The following MCC variants were observed in gnomAD, a reference collection of about 807,000 sequenced individuals.
The protein encoded by MCC is colorectal mutant cancer protein.
A neutral mutation model predicts 116.2 loss-of-function variants in MCC; 90 were observed. The ratio of observed to expected loss-of-function variants is 0.77; its 90% CI spans 0.65 to 0.92. The LOEUF (loss-of-function observed/expected upper bound fraction) is 0.92, where lower values mean the gene tolerates loss of function less well. Among genes scored for constraint, MCC ranks in the 40% least tolerant of loss-of-function variants. The pLI, the probability that MCC is intolerant of heterozygous loss-of-function variation, is 0.00. For synonymous variants in MCC, 578 were observed against 510.5 expected, an observed-to-expected ratio of 1.13 and a Z score of -1.78; for missense variants, 1,516 against 1,312.2, an observed-to-expected ratio of 1.16 and a Z score of -2.40.
chr5:113,296,983 G>A (rs1006324547), intron 3 of MCC, among the ~76,000 whole-genome samples: 1 of 152,198 alleles, frequency 6.6e-6, no homozygotes, highest in Non-Finnish European at 1.5e-5. Flanking sequence ...GAGAAGCAGT[G>A]TCTGTAGATT....
chr5:113,066,891 C>T lies in MCC; in HGVS notation c.2029+1189G>A, dbSNP rs571612818. Among the ~76,000 whole-genome samples the T allele has an allele frequency of 5.9e-5, 9 of 152,312 alleles. No homozygotes were observed. The East Asian group carries it at 1.7e-3, about 29-fold the overall frequency. ...CATCCATCTTTGGCTCTGGAGAGAC[C>T]TGGTCACCTTGGCTTTCTGTTTACT... is the stretch of plus-strand genomic sequence containing the variant. On this transcript the variant is annotated intron_variant, in intron 13 of 18. Transcript: ENST00000408903.
At chr5:113,049,763 T>C (rs189760842) in intron 15 of MCC, among the ~76,000 whole-genome samples, 4 of 152,266 alleles carry the variant, frequency 2.6e-5, no homozygotes, top group Admixed American at 2.6e-4. Context: ...ACCAACCACA[T>C]GTTTAATCAC....
Position 113,233,569 on chromosome 5 carries a change from A to C in MCC, c.628-82147T>G, listed in dbSNP as rs545337916. On this transcript the variant is annotated intron_variant, in intron 3 of 18. Coordinates refer to ENST00000408903, the MANE Select transcript of MCC (RefSeq NM_001085377.2). ...GATTGAGAAAAGGAATAAAATGGCTATTTCTTTGTGATTTATAGTTTTGGG... is the reference window on the plus strand; with the variant it reads ...GATTGAGAAAAGGAATAAAATGGCTCTTTCTTTGTGATTTATAGTTTTGGG... 4.6e-5 allele frequency among the ~76,000 whole-genome samples: 7 copies of C among 152,270 alleles called. No homozygotes were observed. In the South Asian group the frequency reaches 1.5e-3, roughly 32 times the overall value.
At chr5:113,347,987 T>C (rs1183558345) in intron 2 of MCC, among the ~76,000 whole-genome samples, 1 of 152,136 alleles carries the variant, frequency 6.6e-6, no homozygotes, top group Non-Finnish European at 1.5e-5. Context: ...AAGCTCATTA[T>C]ATAATGATAA....
intron 1 of MCC, among the ~76,000 whole-genome samples, chr5:113,438,302 T>C (rs1412508280): frequency 6.6e-6 from 1 of 152,144 alleles, no homozygotes; most frequent in African/African-American, 2.4e-5. Context: ...CCATCTGCCG[T>C]ACGGTGAGTT....
intron 3 of MCC, among the ~76,000 whole-genome samples, chr5:113,279,141 C>T (rs1312487653): frequency 8.6e-6 from 1 of 116,926 alleles, no homozygotes; most frequent in Non-Finnish European, 1.6e-5. Context: ...CACAACTGAT[C>T]TCAGTAACTT....
At chr5:113,352,328 C>T (rs953459225) in intron 2 of MCC, among the ~76,000 whole-genome samples, 1 of 152,142 alleles carries the variant, frequency 6.6e-6, no homozygotes, top group Non-Finnish European at 1.5e-5. Context: ...TATGCAGCCT[C>T]TTGACAGCCT....
chr5:113,390,101 GA>G (rs1175620474), intron 1 of MCC, among the ~76,000 whole-genome samples: 2 of 151,610 alleles, frequency 1.3e-5, no homozygotes, highest in Admixed American at 6.6e-5. Context: ...GTTCTGCCTT[GA>G]AAAAAAATAA....
chr5:113,133,487 C>A (rs1037576829), intron 5 of MCC, among the ~76,000 whole-genome samples: 8 of 150,956 alleles, frequency 5.3e-5, no homozygotes, highest in African/African-American at 1.7e-4. Flanking sequence ...TTTTTTATAG[C>A]TGATAATATT....
At chr5:113,245,261 C>T (rs1036457284) in intron 3 of MCC, among the ~76,000 whole-genome samples, 1 of 146,752 alleles carries the variant, frequency 6.8e-6, no homozygotes, top group African/African-American at 2.5e-5. Flanking sequence ...CACTGCATTC[C>T]AGCCTAGGCA....
intron 3 of MCC, among the ~76,000 whole-genome samples, chr5:113,214,914 G>A (rs1763254396): frequency 6.6e-6 from 1 of 152,076 alleles, no homozygotes; most frequent in South Asian, 2.1e-4. Context: ...ACTGGCACCT[G>A]GTTCAGCCTT....
At chr5:113,151,766 T>A (rs560264922) in intron 3 of MCC, among the ~76,000 whole-genome samples, 1 of 152,296 alleles carries the variant, frequency 6.6e-6, no homozygotes, top group Admixed American at 6.5e-5. Context: ...CTGATTCTAA[T>A]CATGAGAGTC....
chr5:113,444,599 G>C (rs908094723), intron 1 of MCC, among the ~76,000 whole-genome samples: 1 of 152,282 alleles, frequency 6.6e-6, no homozygotes, highest in African/African-American at 2.4e-5. Flanking sequence ...CACCTACGTG[G>C]TATTTGGCCT....
At chr5:113,080,869 G>C (rs928536919) in intron 11 of MCC, among the ~76,000 whole-genome samples, 18 of 150,134 alleles carry the variant, frequency 1.2e-4, no homozygotes, top group Non-Finnish European at 2.7e-4. Flanking sequence ...AGCTTCTGTT[G>C]GTGTCCTATT....
chr5:113,044,829 C>T (rs1751964028), intron 16 of MCC, among the ~76,000 whole-genome samples: 1 of 152,248 alleles, frequency 6.6e-6, no homozygotes, highest in African/African-American at 2.4e-5. Flanking sequence ...CCACCTTGGC[C>T]TCCCAAAGTG....
At position 113,228,484 on chromosome 5, in the gene MCC, G is replaced by T. The variant is rs1447021998; in HGVS notation, c.628-77062C>A. On this transcript the variant is annotated intron_variant, in intron 3 of 18. Transcript: ENST00000408903. The stretch of plus-strand genomic sequence containing the variant: ...CCTATAGGAAGTGAGCAACAAGCCT[G>T]GGGAAAGTGTGGCTCTGAGAAGTTG... Among the ~76,000 whole-genome samples the T allele has an allele frequency of 2.0e-5, 3 of 152,154 alleles. No individual in the cohort carries two copies. In the East Asian group the frequency reaches 5.8e-4, roughly 29 times the overall value.
chr5:113,245,577 C>A (rs1246153000), intron 3 of MCC, among the ~76,000 whole-genome samples: 1 of 152,082 alleles, frequency 6.6e-6, no homozygotes, highest in African/African-American at 2.4e-5. Flanking sequence ...AGGATAATAG[C>A]AGGTTTGGAA....
intron 17 of MCC, 59 bp downstream of exon 17, chr5:113,043,471 C>T: frequency 6.9e-7 from 1 of 1,451,008 alleles, no homozygotes. Context: ...AAAGAGAACT[C>T]AGAACAAAGT....
At chr5:113,067,154 G>T (rs958653941) in intron 13 of MCC, among the ~76,000 whole-genome samples, 9 of 152,136 alleles carry the variant, frequency 5.9e-5, no homozygotes, top group African/African-American at 2.2e-4. Flanking sequence ...CAAAATTGAG[G>T]GACAGAAGTG....
Sources: gnomAD v4.1 joint callset for allele counts (sites outside exome capture counted in the v4.1 genomes callset) on GRCh38, gnomAD v4.1.1 for gene constraint, MANE v1.5 for transcripts, NCBI Gene and HGNC (gene_info 2026-07-23, HGNC 2026-07-21) for gene names.